LRRTM4: variants seen among roughly 807,000 people sequenced by gnomAD.
LRRTM4 encodes leucine-rich repeat transmembrane neuronal protein 4.
In LRRTM4, 25 loss-of-function variants were observed where a neutral mutation model predicts 47.6. That is an observed-to-expected ratio of 0.53 (90% CI 0.38 to 0.73). The LOEUF (loss-of-function observed/expected upper bound fraction) is 0.73. Among genes scored for constraint, LRRTM4 ranks in the 30% least tolerant of loss-of-function variants. The pLI is 0.00. For synonymous variants in LRRTM4, 311 were observed against 269.5 expected (o/e 1.15, Z -1.51); for missense variants, 638 against 713.4 (o/e 0.89, Z 1.20).
chr2:77,219,990 T>C (rs142647549), intron 3 of LRRTM4, among the ~76,000 whole-genome samples: 7 of 152,244 alleles, frequency 4.6e-5, no homozygotes, highest in African/African-American at 1.7e-4. Flanking sequence ...CACGGCCGGA[T>C]ACTCCTCTGA....
intron 3 of LRRTM4, among the ~76,000 whole-genome samples, chr2:77,167,716 A>G (rs1672927034): frequency 6.6e-6 from 1 of 152,040 alleles, no homozygotes; most frequent in Non-Finnish European, 1.5e-5. Flanking sequence ...AAAACCAAAC[A>G]CTGCATGTTC....
At chr2:77,444,515 A>C (rs1675972280) in intron 3 of LRRTM4, among the ~76,000 whole-genome samples, 2 of 152,140 alleles carry the variant, frequency 1.3e-5, no homozygotes, top group Admixed American at 1.3e-4. Flanking sequence ...AGAAGATAGA[A>C]GAAGATATGG....
At chr2:77,313,732 G>A (rs1447000777) in intron 3 of LRRTM4, among the ~76,000 whole-genome samples, 1 of 152,090 alleles carries the variant, frequency 6.6e-6, no homozygotes, top group Non-Finnish European at 1.5e-5. Flanking sequence ...AATTGATAGA[G>A]TGTTCTTCCT....
chr2:77,337,041 T>C (rs1671192546), intron 3 of LRRTM4, among the ~76,000 whole-genome samples: 1 of 152,154 alleles, frequency 6.6e-6, no homozygotes, highest in South Asian at 2.1e-4. Flanking sequence ...ACAAAATCAA[T>C]GCACAAAAAT....
chr2:77,038,873 C>CA (rs1255144595), intron 3 of LRRTM4, among the ~76,000 whole-genome samples: 5 of 151,244 alleles, frequency 3.3e-5, no homozygotes, highest in African/African-American at 4.8e-5. Context: ...GACTCTCAGA[C>CA]AAAAAATGTA....
intron 3 of LRRTM4, among the ~76,000 whole-genome samples, chr2:77,299,845 T>C (rs982509573): frequency 1.4e-5 from 2 of 142,860 alleles, no homozygotes; most frequent in African/African-American, 5.8e-5. Context: ...TGTAAGGTAA[T>C]GATTTTTTTT....
chr2:76,885,425 G>A (rs1673042550), intron 3 of LRRTM4, among the ~76,000 whole-genome samples: 1 of 150,516 alleles, frequency 6.6e-6, no homozygotes, highest in Non-Finnish European at 1.5e-5. Context: ...GATTTGAGAT[G>A]ACTGGTAAGC....
intron 3 of LRRTM4, among the ~76,000 whole-genome samples, chr2:76,932,692 T>C (rs1573331723): frequency 6.6e-6 from 1 of 152,172 alleles, no homozygotes; most frequent in Non-Finnish European, 1.5e-5. Flanking sequence ...ATATATGACA[T>C]GTTATATATA....
intron 3 of LRRTM4, among the ~76,000 whole-genome samples, chr2:77,371,437 A>G (rs867285615): frequency 6.6e-6 from 1 of 151,606 alleles, no homozygotes; most frequent in African/African-American, 2.4e-5. Context: ...CCTTTCCTCA[A>G]ATTTTCTCTG....
chr2:76,945,272 A>G (rs921743800), intron 3 of LRRTM4, among the ~76,000 whole-genome samples: 1 of 152,100 alleles, frequency 6.6e-6, no homozygotes, highest in East Asian at 1.9e-4. Flanking sequence ...TGCCTAAATG[A>G]CACTCTTCAT....
chr2:76,760,912 C>G (rs1306992966), intron 3 of LRRTM4, among the ~76,000 whole-genome samples: 4 of 152,158 alleles, frequency 2.6e-5, no homozygotes, highest in African/African-American at 4.8e-5. Context: ...ATCCGAAATG[C>G]CTTTAGAGCA....
chr2:76,982,526 C>G (rs927965728), intron 3 of LRRTM4, among the ~76,000 whole-genome samples: 1 of 151,956 alleles, frequency 6.6e-6, no homozygotes, highest in Non-Finnish European at 1.5e-5. Context: ...TCATGCCTCC[C>G]TATCAGTGAG....
In LRRTM4 at chr2:77,362,793, A is replaced by G. The variant is rs1468630962; in HGVS notation, c.1551+155525T>C. 2.0e-5 allele frequency among the ~76,000 whole-genome samples: 3 copies of G among 152,278 alleles called. No homozygotes were observed. The East Asian group carries it at 5.8e-4, about 29-fold the overall frequency. On this transcript the variant is annotated intron_variant, in intron 3 of 3. Coordinates refer to ENST00000409884, the MANE Select transcript of LRRTM4 (RefSeq NM_001134745.3). ...CAAATAACTGAGTCCTTTTTTAAGT[A>G]TCTGATTTACAGATTTCTTAGGCAA...
intron 3 of LRRTM4, among the ~76,000 whole-genome samples, chr2:76,775,467 G>A (rs978551652): frequency 2.6e-4 from 39 of 152,110 alleles, no homozygotes; most frequent in African/African-American, 8.7e-4. Context: ...AATATCAAAA[G>A]AACTCTAAAG....
At chr2:77,447,771 G>T (rs1676110393) in intron 3 of LRRTM4, among the ~76,000 whole-genome samples, 1 of 152,074 alleles carries the variant, frequency 6.6e-6, no homozygotes, top group Admixed American at 6.6e-5. Flanking sequence ...GCACAATTAT[G>T]CAGAGCACAG....
intron 3 of LRRTM4, among the ~76,000 whole-genome samples, chr2:77,224,365 G>C (rs183350056): frequency 9.9e-5 from 15 of 152,048 alleles, no homozygotes; most frequent in Admixed American, 8.5e-4. Flanking sequence ...CAAATGGGAT[G>C]TAATTAAACT....
chr2:77,436,027 T>C (rs981064291), intron 3 of LRRTM4, among the ~76,000 whole-genome samples: 4 of 152,212 alleles, frequency 2.6e-5, no homozygotes, highest in Non-Finnish European at 4.4e-5. Context: ...CATTCTTAGA[T>C]AATTTTGACT....
At chr2:77,311,244 C>A (rs958787954) in intron 3 of LRRTM4, among the ~76,000 whole-genome samples, 1 of 152,060 alleles carries the variant, frequency 6.6e-6, no homozygotes, top group Admixed American at 6.6e-5. Context: ...AGGAAATCTA[C>A]CTCATTTGAG....
chr2:76,915,160 T>C (rs980655690), intron 3 of LRRTM4, among the ~76,000 whole-genome samples: 1 of 152,174 alleles, frequency 6.6e-6, no homozygotes, highest in East Asian at 1.9e-4. Context: ...GAGTGAACCC[T>C]GGGAGCAAGC....
Sources: allele counts gnomAD v4.1 joint callset (sites outside exome capture counted in the v4.1 genomes callset), GRCh38; gene constraint gnomAD v4.1.1; transcripts MANE v1.5; gene names NCBI Gene and HGNC (gene_info 2026-07-23, HGNC 2026-07-21).